The following OXR1 variants were observed in gnomAD, a reference collection of about 807,000 sequenced individuals.
The protein encoded by OXR1 is oxidation resistance protein 1.
In OXR1, 41 loss-of-function variants were observed where a neutral mutation model predicts 104.6. That is an observed-to-expected ratio of 0.39 (90% CI 0.31 to 0.51). The LOEUF (loss-of-function observed/expected upper bound fraction) is 0.51. Among genes scored for constraint, OXR1 ranks in the 20% least tolerant of loss-of-function variants. The pLI is 0.77. For missense variants in OXR1, 955 were observed against 1,031.9 expected, an observed-to-expected ratio of 0.93 and a Z score of 1.02; for synonymous variants, 348 against 348.4, an observed-to-expected ratio of 1.00 and a Z score of 0.01.
At chr8:106,281,795 A>C in intron 1 of OXR1, among the ~76,000 whole-genome samples, 1 of 117,654 alleles carries the variant, frequency 8.5e-6, no homozygotes, top group Non-Finnish European at 1.6e-5. Flanking sequence ...GCAAGACTCT[A>C]TCTCAAAAAA....
chr8:106,706,313 T>G (rs1587172638), intron 8 of OXR1, 69 bp from the exon 9 acceptor site: 2 of 1,067,924 alleles, frequency 1.9e-6, no homozygotes, highest in South Asian at 3.1e-5. Context: ...TAATTCTGTG[T>G]TCAGTGTGTG....
At chr8:106,659,156 C>G (rs975348105) in intron 3 of OXR1, among the ~76,000 whole-genome samples, 2 of 152,206 alleles carry the variant, frequency 1.3e-5, no homozygotes, top group African/African-American at 4.8e-5. Context: ...GATGGAGTCT[C>G]GCTGTGTTGC....
At chr8:106,341,460 T>G (rs1387645401) in intron 1 of OXR1, among the ~76,000 whole-genome samples, 1 of 151,578 alleles carries the variant, frequency 6.6e-6, no homozygotes, top group African/African-American at 2.4e-5. Context: ...AGAATATATG[T>G]TAATGAAACA....
intron 2 of OXR1, among the ~76,000 whole-genome samples, chr8:106,487,427 GT>G (rs1001702293): frequency 5.5e-5 from 6 of 109,256 alleles, no homozygotes; most frequent in African/African-American, 2.3e-4. Flanking sequence ...GTGATATTTT[GT>G]TTTTTTTATT....
intron 4 of OXR1, among the ~76,000 whole-genome samples, chr8:106,680,433 CAT>C (rs1828034405): frequency 6.6e-6 from 1 of 152,236 alleles, no homozygotes; most frequent in South Asian, 2.1e-4. Context: ...TCATGTCACT[CAT>C]AAATTCTAGA....
intron 1 of OXR1, among the ~76,000 whole-genome samples, chr8:106,307,980 A>AC (rs1813533208): frequency 6.6e-6 from 1 of 151,990 alleles, no homozygotes; most frequent in African/African-American, 2.4e-5. Context: ...ACACACACAC[A>AC]AAAATGGAAC....
intron 1 of OXR1, among the ~76,000 whole-genome samples, chr8:106,329,848 C>T (rs1297131909): frequency 6.6e-6 from 1 of 151,744 alleles, no homozygotes; most frequent in East Asian, 1.9e-4. Context: ...GTCTTAGTTT[C>T]ATCACCTATA....
At chr8:106,459,773 G>GT (rs1448860650) in intron 2 of OXR1, among the ~76,000 whole-genome samples, 2 of 152,126 alleles carry the variant, frequency 1.3e-5, no homozygotes, top group Admixed American at 1.3e-4. Flanking sequence ...AATTTCTTGT[G>GT]TTTCCTATTG....
chr8:106,307,363 T>G (rs1356698986), intron 1 of OXR1, among the ~76,000 whole-genome samples: 1 of 152,156 alleles, frequency 6.6e-6, no homozygotes, highest in Non-Finnish European at 1.5e-5. Flanking sequence ...TCCTTCATGG[T>G]CTGGCGTCCC....
At chr8:106,730,043 G>T (rs1157589192) in intron 11 of OXR1, among the ~76,000 whole-genome samples, 1 of 151,480 alleles carries the variant, frequency 6.6e-6, no homozygotes, top group Non-Finnish European at 1.5e-5. Flanking sequence ...TGGATTTTTT[G>T]TTTTATTATC....
chr8:106,626,611 A>T (rs1822189179), intron 3 of OXR1, among the ~76,000 whole-genome samples: 1 of 102,692 alleles, frequency 9.7e-6, no homozygotes. Context: ...TTTTTTTAAC[A>T]CTTACACATT....
chr8:106,557,653 A>T (rs1586808690), intron 3 of OXR1, among the ~76,000 whole-genome samples: 1 of 152,182 alleles, frequency 6.6e-6, no homozygotes, highest in East Asian at 1.9e-4. Context: ...TCTGGCAACA[A>T]AAAGGAATAT....
chr8:106,442,430 G>C (rs1428652796), intron 2 of OXR1, among the ~76,000 whole-genome samples: 2 of 152,032 alleles, frequency 1.3e-5, no homozygotes, highest in Non-Finnish European at 2.9e-5. Flanking sequence ...CTGGCTTCAT[G>C]AAATGAGTTA....
chr8:106,287,749 C>A (rs557853261), intron 1 of OXR1, among the ~76,000 whole-genome samples: 2 of 152,042 alleles, frequency 1.3e-5, no homozygotes, highest in South Asian at 4.2e-4. Flanking sequence ...AAACTATTGC[C>A]TTGGTGACAA....
chr8:106,365,621 T>G (rs1189644395), intron 2 of OXR1, among the ~76,000 whole-genome samples: 1 of 152,214 alleles, frequency 6.6e-6, no homozygotes, highest in African/African-American at 2.4e-5. Context: ...CTTTCATTAG[T>G]AAAATGATTA....
At chr8:106,685,393 C>G (rs562431141) in intron 6 of OXR1, among the ~76,000 whole-genome samples, 18 of 152,190 alleles carry the variant, frequency 1.2e-4, no homozygotes, top group African/African-American at 4.3e-4. Flanking sequence ...GACTAGAAAC[C>G]TGTGGGGTCT....
intron 2 of OXR1, among the ~76,000 whole-genome samples, chr8:106,435,828 C>T (rs16874615): frequency 0.23 from 34,239 of 152,016 alleles, 5,336 homozygotes; most frequent in African/African-American, 0.42. Context: ...CTTTGTGTGA[C>T]ATATTTCGTC....
chr8:106,357,764 T>C (rs12682257), intron 1 of OXR1, among the ~76,000 whole-genome samples: 10,158 of 152,186 alleles, frequency 0.067, 359 homozygotes, highest in Non-Finnish European at 0.073. Flanking sequence ...AAATTATAAA[T>C]ATAAAATGTA....
intron 2 of OXR1, among the ~76,000 whole-genome samples, chr8:106,438,033 G>C (rs185624652): frequency 3.9e-5 from 6 of 152,268 alleles, no homozygotes; most frequent in Admixed American, 6.5e-5. Flanking sequence ...TTTGATGTGT[G>C]ATGTGCCATG....
Sources: allele counts gnomAD v4.1 joint callset (sites outside exome capture counted in the v4.1 genomes callset), GRCh38; gene constraint gnomAD v4.1.1; transcripts MANE v1.5; gene names NCBI Gene and HGNC (gene_info 2026-07-23, HGNC 2026-07-21).